Variants in CGRRF1 observed in about 807,000 individuals in gnomAD.
CGRRF1 encodes cell growth regulator with RING finger domain protein 1.
Under a neutral mutation model 37.2 loss-of-function variants are expected in CGRRF1, and 32 were observed. That is an observed-to-expected ratio of 0.86 (90% CI 0.65 to 1.16). The LOEUF is 1.16. Among genes scored for constraint, CGRRF1 ranks in the 50% most tolerant of loss-of-function variants. CGRRF1 has a pLI of 0.00. For synonymous variants in CGRRF1, 141 were observed against 140.3 expected (o/e 1.00, Z -0.04); for missense variants, 391 against 382.6 (o/e 1.02, Z -0.18).
chr14:54,536,694 A>G (rs1217673442), intron 4 of CGRRF1: 2 of 152,062 alleles, frequency 1.3e-5, no homozygotes, highest in African/African-American at 4.8e-5. Flanking sequence ...ATTTTTCTAT[A>G]GGATTTTGGC....
chr14:54,522,045 C>G (rs1051406359), intron 1 of CGRRF1, among the ~76,000 whole-genome samples: 7 of 152,116 alleles, frequency 4.6e-5, no homozygotes, highest in Non-Finnish European at 1.0e-4. Context: ...TACCCACCCC[C>G]CATATTCTAG....
Position 54,539,187 on chromosome 14 carries a change from G to T in CGRRF1, c.*804G>T, listed in dbSNP as rs754855030. Reference sequence around the variant, plus strand: ...GCAAATCCATCCAGAACTGAGGTGGGAGGTGGAGGTTATAGAGCTAGAAAA... The same window carrying T: ...GCAAATCCATCCAGAACTGAGGTGGTAGGTGGAGGTTATAGAGCTAGAAAA... On this transcript the variant is annotated 3_prime_UTR_variant, in exon 6 of 6. Transcript: ENST00000216420. 3.3e-5 allele frequency: 5 copies of T among 152,188 alleles called. No homozygotes were observed. The highest frequency in any genetic ancestry group is 5.9e-5 in the Non-Finnish European group (4 of 68,028). 9.4% of individuals were successfully genotyped at this position (152,188 alleles called of 1,614,324 possible). A position where few individuals can be genotyped will look rare whatever the true frequency, so the allele number is the denominator to read the frequency against.
chr14:54,539,265 TAAAC>T lies in CGRRF1; in HGVS notation c.*883_*886del, dbSNP rs1233049693. ...TTTTCTAGTGTATTTTTATTCCAAATAAACCCTGTATTCTTCTGAATAGTAAATT... is the reference window on the plus strand; with the variant it reads ...TTTTCTAGTGTATTTTTATTCCAAATCCTGTATTCTTCTGAATAGTAAATT... On this transcript the variant is annotated 3_prime_UTR_variant, in exon 6 of 6. Transcript: ENST00000216420. 1 of 152,216 alleles carries T rather than the reference TAAAC, an allele frequency of 6.6e-6. No individual in the cohort carries two copies. The highest frequency in any genetic ancestry group is 1.5e-5 in the Non-Finnish European group (1 of 68,024). 9.4% of individuals were successfully genotyped at this position (152,216 alleles called of 1,614,324 possible).
intron 1 of CGRRF1, among the ~76,000 whole-genome samples, chr14:54,521,296 A>T (rs2032311599): frequency 6.6e-6 from 1 of 151,862 alleles, no homozygotes; most frequent in Non-Finnish European, 1.5e-5. Context: ...CCCCGTCTCT[A>T]CTAAAAATAC....
chr14:54,514,856 A>G (rs1051443869), intron 1 of CGRRF1, among the ~76,000 whole-genome samples: 4 of 151,920 alleles, frequency 2.6e-5, no homozygotes, highest in African/African-American at 9.7e-5. Flanking sequence ...TTTTTTCTTG[A>G]CCTCTAAGTT....
At position 54,533,074 on chromosome 14, in the gene CGRRF1, T is replaced by C. The variant is rs1321473894; in HGVS notation, c.570+2024T>C. ...GCATTCCTTTTCCCTTCACTGATAG[T>C]GCTCTCTAGGTGCTCAGGGTCTTTT... is the stretch of plus-strand genomic sequence containing the variant. On this transcript the variant is annotated intron_variant, in intron 4 of 5. Transcript: ENST00000216420. Among the ~76,000 whole-genome samples the C allele has an allele frequency of 1.3e-5, 2 of 151,858 alleles. 1 individual carries two copies. The highest frequency in any genetic ancestry group is 3.8e-4 in the East Asian group (2 of 5,196).
chr14:54,517,692 C>CA (rs1165097845), intron 1 of CGRRF1, among the ~76,000 whole-genome samples: 1 of 151,928 alleles, frequency 6.6e-6, no homozygotes, highest in African/African-American at 2.4e-5. Context: ...AAATGTGTGC[C>CA]ATGGTGGTTA....
In CGRRF1 at chr14:54,522,497, A is replaced by T. The variant is rs1302259165; in HGVS notation, c.148A>T (p.Thr50Ser). The T allele has an allele frequency of 6.2e-7, 1 of 1,605,298 alleles. No individual in the cohort carries two copies. Residue 50 changes from threonine to serine, a missense_variant, in exon 2 of 6, where the codon ACC (threonine) becomes TCC (serine). Coordinates refer to ENST00000216420, the MANE Select transcript of CGRRF1 (RefSeq NM_006568.3). ...AGTAATTCTGAGAAATTCAGAAGAG[A>T]CCCAGTTCAGCACAAGAGTTTTCAA... ...VPVILRNSEE[T>S]QFSTRVFKKQ... is the part of the protein sequence containing the mutation.
At chr14:54,512,470 A>G (rs2032145394) in intron 1 of CGRRF1, among the ~76,000 whole-genome samples, 6 of 152,272 alleles carry the variant, frequency 3.9e-5, no homozygotes, top group Admixed American at 1.3e-4. Context: ...ATCAGGGACC[A>G]TGACTCCAGT....
chr14:54,515,234 G>A (rs1293092586), intron 1 of CGRRF1, among the ~76,000 whole-genome samples: 1 of 151,398 alleles, frequency 6.6e-6, no homozygotes, highest in East Asian at 1.9e-4. Context: ...GACTACAGGT[G>A]TGCACTACCA....
intron 2 of CGRRF1, among the ~76,000 whole-genome samples, chr14:54,525,179 C>T (rs1412784114): frequency 6.6e-6 from 1 of 152,220 alleles, no homozygotes; most frequent in Non-Finnish European, 1.5e-5. Flanking sequence ...AAAAACCTAC[C>T]AGCTGCAAGG....
chr14:54,517,795 C>T (rs1458123232), intron 1 of CGRRF1, among the ~76,000 whole-genome samples: 1 of 152,138 alleles, frequency 6.6e-6, no homozygotes, highest in Non-Finnish European at 1.5e-5. Flanking sequence ...CCCTGATGGG[C>T]CCCAGTCTGT....
chr14:54,512,642 G>T (rs1246794655), intron 1 of CGRRF1, among the ~76,000 whole-genome samples: 3 of 152,236 alleles, frequency 2.0e-5, no homozygotes, highest in Non-Finnish European at 4.4e-5. Context: ...AGACTGGAAA[G>T]CTGGAAGAGG....
rs370411135 is a variant in CGRRF1 at position 54,510,035 on chromosome 14, A to T, written c.76A>T (p.Ile26Phe). The change falls in exon 1 of 6, where the codon ATC (isoleucine) becomes TTC (phenylalanine). Residue 26 changes from isoleucine to phenylalanine, a missense_variant. Physicochemically the swap from Ile to Phe is conservative, Grantham distance 21. Coordinates refer to ENST00000216420, the MANE Select transcript of CGRRF1 (RefSeq NM_006568.3). ...CATCGCGGTGGTCTTTACCTGCTTC[A>T]TCGTGACCACCGGCCTGGTATTGGG... The part of the protein sequence containing the change: ...FYIAVVFTCF[I>F]VTTGLVLGWF... The T allele has an allele frequency of 8.7e-6, 14 of 1,613,312 alleles. No individual in the cohort carries two copies. Among genetic ancestry groups the T allele is most frequent in the Non-Finnish European group, 1.1e-5 (13 of 1,179,310 alleles).
At chr14:54,523,726 G>A (rs2032361100) in intron 2 of CGRRF1, among the ~76,000 whole-genome samples, 1 of 152,102 alleles carries the variant, frequency 6.6e-6, no homozygotes, top group African/African-American at 2.4e-5. Flanking sequence ...AGAAAAATGA[G>A]GAGTACAGAA....
At chr14:54,530,669 G>A (rs1244519097) in intron 3 of CGRRF1, 3 of 840,616 alleles carry the variant, frequency 3.6e-6, no homozygotes, top group South Asian at 2.0e-5. Context: ...ATCATTTTTG[G>A]TATACTAGAA....
At chr14:54,525,274 G>A (rs560158746) in intron 2 of CGRRF1, among the ~76,000 whole-genome samples, 2 of 152,294 alleles carry the variant, frequency 1.3e-5, no homozygotes, top group African/African-American at 2.4e-5. Flanking sequence ...CAAAACACAG[G>A]GCACTTGTGA....
In CGRRF1 at chr14:54,537,727, C is replaced by T; in HGVS notation, c.576C>T (p.Ser192=). 6.4e-7 allele frequency: 1 copy of T among 1,553,904 alleles called. No homozygotes were observed. Among genetic ancestry groups the T allele is most frequent in the Non-Finnish European group, 8.7e-7 (1 of 1,155,356 alleles). ...EDDREIYDII[S]MVSVIHIPDR... ...GTGTTCAATTTTTATTTTAGATTTC[C>T]ATGGTGTCAGTGATTCATATTCCTG... Residue 192 remains serine (S), a synonymous_variant, in exon 5 of 6, where the codon TCC becomes TCT. Transcript: ENST00000216420.
At chr14:54,510,812 A>G (rs1280238071) in intron 1 of CGRRF1, among the ~76,000 whole-genome samples, 1 of 152,214 alleles carries the variant, frequency 6.6e-6, no homozygotes. Flanking sequence ...CAAGCCTTGT[A>G]AATAACGAGT....
Sources: gnomAD v4.1 joint callset for allele counts (sites outside exome capture counted in the v4.1 genomes callset) on GRCh38, gnomAD v4.1.1 for gene constraint, MANE v1.5 for transcripts, NCBI Gene and HGNC (gene_info 2026-07-23, HGNC 2026-07-21) for gene names.